Variants in ZNG1A observed in about 807,000 individuals in gnomAD.
The protein encoded by ZNG1A is zinc-regulated GTPase metalloprotein activator 1A.
At chr9:169,285 G>A in the ZNG1A span, among the ~76,000 whole-genome samples, 1 of 148,980 alleles carries the variant, frequency 6.7e-6, no homozygotes, top group African/African-American at 2.5e-5. Context: ...GAAACAGTAA[G>A]AGAACTAGAA....
the ZNG1A span, chr9:166,191 T>C: frequency 8.2e-6 from 1 of 122,156 alleles, no homozygotes. Context: ...AGGAATTTTA[T>C]TCATAAGCAG....
the ZNG1A span, chr9:172,617 T>G: frequency 1.3e-5 from 2 of 157,380 alleles, no homozygotes; most frequent in Non-Finnish European, 2.8e-5. Flanking sequence ...TTATCAAAAG[T>G]GAAGGAAAAT....
chr9:168,853 G>A, the ZNG1A span, among the ~76,000 whole-genome samples: 14 of 150,972 alleles, frequency 9.3e-5, no homozygotes, highest in Non-Finnish European at 1.5e-4. Context: ...CCACCATTGA[G>A]ATCTACTGCT....
At chr9:140,201 C>A in the ZNG1A span, among the ~76,000 whole-genome samples, 40 of 150,984 alleles carry the variant, frequency 2.6e-4, no homozygotes, top group Non-Finnish European at 3.0e-4. Flanking sequence ...GGCTCCACCT[C>A]TGGGGGCAGG....
chr9:124,738 T>C, the ZNG1A span, among the ~76,000 whole-genome samples: 13 of 130,464 alleles, frequency 1.0e-4, no homozygotes, highest in East Asian at 2.1e-4. Context: ...CCAAAGTTCA[T>C]TGTGTCATTC....
chr9:155,829 C>G, the ZNG1A span, among the ~76,000 whole-genome samples: 1 of 150,554 alleles, frequency 6.6e-6, no homozygotes, highest in African/African-American at 2.5e-5. Context: ...TTCAGCCAGG[C>G]ACAGTGGATT....
At chr9:140,099 A>G in the ZNG1A span, among the ~76,000 whole-genome samples, 1 of 150,958 alleles carries the variant, frequency 6.6e-6, no homozygotes, top group East Asian at 1.9e-4. Flanking sequence ...GGCGCTGGCC[A>G]TTGCCCAGGC....
At chr9:162,406 C>A in the ZNG1A span, 16 of 1,452,812 alleles carry the variant, frequency 1.1e-5, no homozygotes, top group Non-Finnish European at 1.5e-5. Flanking sequence ...CAATAATGAC[C>A]CACTCATAGC....
chr9:149,194 A>C, the ZNG1A span: 1 of 151,692 alleles, frequency 6.6e-6, no homozygotes, highest in Non-Finnish European at 1.5e-5. Flanking sequence ...CTCACATTGA[A>C]TCTACCTCCC....
the ZNG1A span, chr9:160,025 G>A: frequency 2.2e-6 from 1 of 454,092 alleles, no homozygotes; most frequent in Non-Finnish European, 4.4e-6. Context: ...TTCATTCATT[G>A]CTTCTATTGC....
chr9:177,568 G>C, the ZNG1A span, among the ~76,000 whole-genome samples: 1 of 152,016 alleles, frequency 6.6e-6, no homozygotes, highest in Non-Finnish European at 1.5e-5. Flanking sequence ...AAAATCAGAA[G>C]AAAAATGTAG....
At chr9:122,428 T>A in the ZNG1A span, 1 of 1,125,642 alleles carries the variant, frequency 8.9e-7, no homozygotes, top group Non-Finnish European at 1.1e-6. Flanking sequence ...TCCTATTGAT[T>A]AAAGATTTTA....
chr9:133,429 T>A, the ZNG1A span, among the ~76,000 whole-genome samples: 24,070 of 148,986 alleles, frequency 0.16, 2,211 homozygotes, highest in East Asian at 0.39. Flanking sequence ...ATTCTACTCT[T>A]ACGCACGTTT....
chr9:163,993 C>G, the ZNG1A span: 2 of 1,596,048 alleles, frequency 1.3e-6, 1 homozygote, highest in African/African-American at 2.8e-5. Context: ...AGATAAATAT[C>G]ACTCCCTAAT....
the ZNG1A span, chr9:172,450 T>C: frequency 9.8e-6 from 3 of 305,284 alleles, no homozygotes; most frequent in South Asian, 1.8e-4. Flanking sequence ...TATCTTTTTA[T>C]AGCTTTATGA....
the ZNG1A span, chr9:151,355 A>C: frequency 3.1e-6 from 3 of 976,144 alleles, no homozygotes. Flanking sequence ...GTAGAGACTG[A>C]GTGGAACTAG....
the ZNG1A span, among the ~76,000 whole-genome samples, chr9:137,545 A>G: frequency 6.6e-6 from 1 of 152,184 alleles, no homozygotes; most frequent in Admixed American, 6.5e-5. Flanking sequence ...AACTAGTGAA[A>G]CAGCACTGAT....
At chr9:141,492 G>C in the ZNG1A span, among the ~76,000 whole-genome samples, 2 of 149,536 alleles carry the variant, frequency 1.3e-5, no homozygotes, top group African/African-American at 2.5e-5. Context: ...AGCAAATGCT[G>C]AGAGATTTTG....
chr9:161,523 G>C, the ZNG1A span: 11 of 1,219,908 alleles, frequency 9.0e-6, no homozygotes, highest in East Asian at 1.1e-4. Flanking sequence ...ATACAAAACA[G>C]ACACTAATTT....
Sources: allele counts gnomAD v4.1 joint callset (sites outside exome capture counted in the v4.1 genomes callset), GRCh38; gene constraint gnomAD v4.1.1; transcripts MANE v1.5; gene names NCBI Gene and HGNC (gene_info 2026-07-23, HGNC 2026-07-21).